Variants in NLK observed in about 807,000 individuals in gnomAD.
NLK encodes serine/threonine-protein kinase NLK.
In NLK, 11 loss-of-function variants were observed where a neutral mutation model predicts 59.0. That is an observed-to-expected ratio of 0.19 (90% CI 0.12 to 0.31). The LOEUF (loss-of-function observed/expected upper bound fraction) is 0.31. Among genes scored for constraint, NLK ranks in the 10% least tolerant of loss-of-function variants. The pLI, the probability that NLK is intolerant of heterozygous loss-of-function variation, is 1.00. For synonymous variants in NLK, 235 were observed against 235.9 expected (o/e 1.00, Z 0.03); for missense variants, 410 against 661.1 (o/e 0.62, Z 4.16).
chr17:28,193,295 G>GA (rs1909374785), intron 10 of NLK, among the ~76,000 whole-genome samples: 1 of 152,206 alleles, frequency 6.6e-6, no homozygotes, highest in African/African-American at 2.4e-5. Context: ...GACCTCTTTG[G>GA]AGAGGGTATG....
At chr17:28,179,919 T>C (rs774874848) in intron 7 of NLK, among the ~76,000 whole-genome samples, 18 of 150,742 alleles carry the variant, frequency 1.2e-4, no homozygotes, top group Non-Finnish European at 2.2e-4. Flanking sequence ...TTGATTCTAT[T>C]GCACTTAAGA....
intron 1 of NLK, among the ~76,000 whole-genome samples, chr17:28,081,107 C>T (rs1180854823): frequency 2.7e-5 from 4 of 150,928 alleles, no homozygotes; most frequent in Non-Finnish European, 5.9e-5. Context: ...ATAGGGTGGT[C>T]TTGAACTCCT....
At chr17:28,205,181 A>C in the NLK span, among the ~76,000 whole-genome samples, 1 of 152,272 alleles carries the variant, frequency 6.6e-6, no homozygotes, top group South Asian at 2.1e-4. Context: ...AACTGGGCTA[A>C]TGATGGCACA....
At chr17:28,127,484 T>A (rs111282424) in intron 2 of NLK, among the ~76,000 whole-genome samples, 4 of 152,112 alleles carry the variant, frequency 2.6e-5, no homozygotes, top group African/African-American at 9.6e-5. Flanking sequence ...CGCTAAGGAG[T>A]TGGAAAAAGC....
At chr17:28,120,235 G>GGTGTGTGTGTGTGTGTGTGTGT (rs10542547) in intron 1 of NLK, among the ~76,000 whole-genome samples, 1 of 139,086 alleles carries the variant, frequency 7.2e-6, no homozygotes. Flanking sequence ...TTTGGCTTGG[G>GGTGTGTGTGTGTGTGTGTGTGT]GTGTGTGTGT....
At chr17:28,178,056 T>C (rs1908754541) in intron 7 of NLK, among the ~76,000 whole-genome samples, 2 of 152,238 alleles carry the variant, frequency 1.3e-5, no homozygotes, top group Non-Finnish European at 2.9e-5. Context: ...CCTGCTCATA[T>C]GTCATCATCC....
chr17:28,101,551 A>C (rs1008127009), intron 1 of NLK, among the ~76,000 whole-genome samples: 1 of 152,118 alleles, frequency 6.6e-6, no homozygotes, highest in African/African-American at 2.4e-5. Context: ...TTGTAAACAG[A>C]GTTGGGGTTT....
the NLK span, among the ~76,000 whole-genome samples, chr17:28,204,640 C>G: frequency 1.3e-5 from 2 of 152,154 alleles, no homozygotes; most frequent in African/African-American, 4.8e-5. Context: ...AAGAAACAGA[C>G]AAAAACCTCT....
chr17:28,190,695 C>T (rs1194444891), intron 8 of NLK, among the ~76,000 whole-genome samples: 1 of 152,098 alleles, frequency 6.6e-6, no homozygotes, highest in Non-Finnish European at 1.5e-5. Flanking sequence ...GTAACCCCTT[C>T]AAAGCACTAC....
chr17:28,094,446 C>T (rs964178811), intron 1 of NLK, among the ~76,000 whole-genome samples: 1 of 152,116 alleles, frequency 6.6e-6, no homozygotes, highest in African/African-American at 2.4e-5. Context: ...CTTTTGCTGA[C>T]CGAGTTCAAA....
intron 1 of NLK, among the ~76,000 whole-genome samples, chr17:28,079,308 T>A (rs1910267040): frequency 6.6e-6 from 1 of 152,224 alleles, no homozygotes; most frequent in Admixed American, 6.5e-5. Context: ...CTTTTGTGAA[T>A]CTTGCTGTAA....
At chr17:28,192,919 CTGGTGTAGCCTATTTA>C (rs964104500) in intron 10 of NLK, among the ~76,000 whole-genome samples, 36 of 152,256 alleles carry the variant, frequency 2.4e-4, no homozygotes, top group African/African-American at 8.2e-4. Context: ...AGGTGGACTG[CTGGTGTAGCCTATTTA>C]GAGGAGAAGT....
intron 1 of NLK, among the ~76,000 whole-genome samples, chr17:28,083,094 CAT>C (rs750486419): frequency 5.9e-5 from 9 of 152,174 alleles, no homozygotes; most frequent in African/African-American, 1.2e-4. Context: ...TGCTGCTTGA[CAT>C]GTGGAAATCA....
the NLK span, among the ~76,000 whole-genome samples, chr17:28,203,299 C>T: frequency 1.3e-5 from 2 of 152,026 alleles, no homozygotes; most frequent in Admixed American, 6.6e-5. Context: ...ATCCACTGCC[C>T]CTGGCCCACA....
At chr17:28,120,235 GGTGTGTGTGT>G (rs10542547) in intron 1 of NLK, among the ~76,000 whole-genome samples, 1,546 of 139,178 alleles carry the variant, frequency 0.011, 28 homozygotes, top group African/African-American at 0.039. Context: ...TTTGGCTTGG[GGTGTGTGTGT>G]GTGTGTGTGT....
At chr17:28,144,260 G>GTT in intron 3 of NLK, among the ~76,000 whole-genome samples, 1 of 152,124 alleles carries the variant, frequency 6.6e-6, no homozygotes, top group African/African-American at 2.4e-5. Flanking sequence ...AGCAAATCCT[G>GTT]AGATTGTTTT....
At chr17:28,139,523 TA>T (rs1202757098) in intron 3 of NLK, among the ~76,000 whole-genome samples, 1 of 152,200 alleles carries the variant, frequency 6.6e-6, no homozygotes, top group African/African-American at 2.4e-5. Context: ...TTTTTGTCAG[TA>T]TCTGGTTAGC....
At chr17:28,102,029 A>G (rs1364209921) in intron 1 of NLK, among the ~76,000 whole-genome samples, 1 of 152,056 alleles carries the variant, frequency 6.6e-6, no homozygotes, top group Non-Finnish European at 1.5e-5. Context: ...AAAGTGTATC[A>G]CTTATAGACA....
intron 7 of NLK, among the ~76,000 whole-genome samples, chr17:28,179,130 T>A (rs1259635955): frequency 6.6e-6 from 1 of 152,234 alleles, no homozygotes; most frequent in Non-Finnish European, 1.5e-5. Flanking sequence ...AAGTTACTTA[T>A]AAACTTGCAG....
Sources: allele counts gnomAD v4.1 joint callset (sites outside exome capture counted in the v4.1 genomes callset), GRCh38; gene constraint gnomAD v4.1.1; transcripts MANE v1.5; gene names NCBI Gene and HGNC (gene_info 2026-07-23, HGNC 2026-07-21).